Variants in OR5B2 observed in about 807,000 individuals in gnomAD.
OR5B2 encodes olfactory receptor family 5 subfamily B member 2.
For missense variants in OR5B2, 411 were observed against 367.0 expected, an observed-to-expected ratio of 1.12 and a Z score of -0.98; for synonymous variants, 163 against 140.8, an observed-to-expected ratio of 1.16 and a Z score of -1.11.
intron 1 of OR5B2, among the ~76,000 whole-genome samples, chr11:58,427,395 G>T (rs2119947587): frequency 6.6e-6 from 1 of 152,260 alleles, no homozygotes; most frequent in Middle Eastern, 3.4e-3. Context: ...TGGAAACTAG[G>T]CTAAAGTGTT....
chr11:58,422,400 A>G lies in OR5B2; in HGVS notation c.862T>C (p.Tyr288His). Reference protein sequence around the residue: ...MIIPMLNPVVYSLRNREVQNA... With the variant: ...MIIPMLNPVVHSLRNREVQNA... The stretch of plus-strand genomic sequence containing the variant: ...TGGACTTCTCTGTTCCTCAGGCTGT[A>G]GACCACAGGGTTCAGCATGGGGATG... Residue 288 changes from tyrosine to histidine, a missense_variant, in exon 3 of 3, where the codon TAC (tyrosine) becomes CAC (histidine). Tyr to His is a moderately conservative substitution (Grantham distance 83, BLOSUM62 2). Transcript: ENST00000641342. The G allele has an allele frequency of 1.2e-6, 2 of 1,613,660 alleles. No individual in the cohort carries two copies.
intron 1 of OR5B2, among the ~76,000 whole-genome samples, chr11:58,426,915 A>C (rs1374005048): frequency 6.6e-6 from 1 of 152,132 alleles, no homozygotes; most frequent in Non-Finnish European, 1.5e-5. Flanking sequence ...ATCTGCAATG[A>C]ACATCATTTT....
rs1855298298 is a variant in OR5B2 at position 58,423,039 on chromosome 11, C to T, written c.223G>A (p.Val75Ile). Reference sequence around the variant, plus strand: ...AACCCAGCCATGACCTTGGGAGTGACAGCTGAGGAGTATCCAAAGTCCACC... The same window carrying T: ...AACCCAGCCATGACCTTGGGAGTGATAGCTGAGGAGTATCCAAAGTCCACC... ...SLVDFGYSSA[V>I]TPKVMAGFLR... The change falls in exon 3 of 3, where the codon GTC becomes ATC. Residue 75 changes from valine to isoleucine, a missense_variant. Transcript: ENST00000641342. 6.2e-7 allele frequency: 1 copy of T among 1,613,478 alleles called. No individual in the cohort carries two copies. The highest frequency in any genetic ancestry group is 8.5e-7 in the Non-Finnish European group (1 of 1,179,572).
At chr11:58,427,991 G>C (rs919440687) in intron 1 of OR5B2, 28 bp downstream of exon 1, 1 of 152,440 alleles carries the variant, frequency 6.6e-6, no homozygotes, top group Non-Finnish European at 1.5e-5. Context: ...GGTTTGTAGA[G>C]TTGTTAGCCA....
intron 2 of OR5B2, 24 bp from the exon 3 acceptor site, chr11:58,423,313 A>G (rs929154002): frequency 3.1e-5 from 34 of 1,109,622 alleles, no homozygotes; most frequent in Non-Finnish European, 4.0e-5. Flanking sequence ...AAATAAAGCA[A>G]TAGAGTGATA....
rs749793375 is a variant in OR5B2 at position 58,422,797 on chromosome 11, T to A, written c.465A>T (p.Ser155=). 2.9e-5 allele frequency: 46 copies of A among 1,613,684 alleles called. No homozygotes were observed. The highest frequency in any genetic ancestry group is 1.7e-5 in the Admixed American group (1 of 59,884). Residue 155 remains serine, a synonymous_variant, in exon 3 of 3, where the codon TCA becomes TCT. Coordinates refer to ENST00000641342, the MANE Select transcript of OR5B2 (RefSeq NM_001005566.3). Reference sequence around the variant, plus strand: ...GACTGAATATGCCCCCAATGTGGAATGAGGCATTTAGGAAGCCACAGACAT... The same window carrying A: ...GACTGAATATGCCCCCAATGTGGAAAGAGGCATTTAGGAAGCCACAGACAT... ...GSYVCGFLNA[S]FHIGGIFSLS...
intron 2 of OR5B2, 51 bp from the exon 3 acceptor site, chr11:58,423,340 TAGAA>T: frequency 1.2e-6 from 1 of 831,060 alleles, no homozygotes; most frequent in African/African-American, 1.7e-5. Context: ...AAAAGAGATT[TAGAA>T]ATATATAAAT....
At position 58,423,297 on chromosome 11, in the gene OR5B2, A is replaced by T. The variant is rs1228729789; in HGVS notation, c.-28-8T>A. On this transcript the variant is annotated splice_region_variant and splice_polypyrimidine_tract_variant and intron_variant, in intron 2 of 2. Coordinates refer to ENST00000641342, the MANE Select transcript of OR5B2 (RefSeq NM_001005566.3). Reference sequence around the variant, plus strand: ...TGAGAAACTTAAGATGACCTGTAGCAATGAGAAATAAAGCAATAGAGTGAT... The same window carrying T: ...TGAGAAACTTAAGATGACCTGTAGCTATGAGAAATAAAGCAATAGAGTGAT... 3.8e-6 allele frequency: 5 copies of T among 1,304,042 alleles called. No homozygotes were observed. In the East Asian group the frequency reaches 1.2e-4, roughly 30 times the overall value. 80.8% of individuals were successfully genotyped at this position (1,304,042 alleles called of 1,614,324 possible).
rs890577199 is a variant in OR5B2 at position 58,421,703 on chromosome 11, T to G, written c.*629A>C. ...TCTTGAGATGATAATGATGTGTCAA[T>G]GTAGGTTCATCAATTGTAAAAAATG... On this transcript the variant is annotated 3_prime_UTR_variant, in exon 3 of 3. Transcript: ENST00000641342. The G allele has an allele frequency of 6.6e-6, 1 of 152,096 alleles. No homozygotes were observed. Among genetic ancestry groups the G allele is most frequent in the South Asian group, 2.1e-4 (1 of 4,816 alleles). The allele number at this position is 152,096 out of a possible 1,614,324, so 9.4% of individuals were successfully genotyped here.
rs1406118484 is a variant in OR5B2, at chr11:58,422,883, GT to G, written c.378del (p.Lys126AsnfsTer9). ...GTCATGGTGGTGGTGTAGTGTAGGG[GT>G]TTGCACACTGCTGCATAGCGGTCAT... is the stretch of plus-strand genomic sequence containing the variant. ...MAYDRYAAVC[K>X]PLHYTTTMTA... On this transcript the variant is annotated frameshift_variant, in exon 3 of 3. Coordinates refer to ENST00000641342, the MANE Select transcript of OR5B2 (RefSeq NM_001005566.3). LOFTEE classifies it low-confidence loss of function (END_TRUNC). The G allele has an allele frequency of 1.2e-5, 20 of 1,613,656 alleles. No individual in the cohort carries two copies. Among genetic ancestry groups the G allele is most frequent in the Admixed American group, 8.3e-5 (5 of 59,898 alleles).
chr11:58,426,922 T>A lies in OR5B2; in HGVS notation c.-83-246A>T, dbSNP rs181551657. On this transcript the variant is annotated intron_variant, in intron 1 of 2. Coordinates refer to ENST00000641342, the MANE Select transcript of OR5B2 (RefSeq NM_001005566.3). ...ATCATCGTATCTGCAATGAACATCA[T>A]TTTTAGCTGGGGGTCTTATCCCTGG... Among the ~76,000 whole-genome samples the A allele has an allele frequency of 2.0e-4, 30 of 152,248 alleles. 1 individual carries two copies. Among genetic ancestry groups the A allele is most frequent in the Admixed American group, 2.0e-3 (30 of 15,274 alleles).
At position 58,422,928 on chromosome 11, in the gene OR5B2, A is replaced by G. The variant is rs2119936163; in HGVS notation, c.334T>C (p.Leu112=). Residue 112 remains leucine, a synonymous_variant, in exon 3 of 3, where the codon TTG becomes CTG. Coordinates refer to ENST00000641342, the MANE Select transcript of OR5B2 (RefSeq NM_001005566.3). The stretch of plus-strand genomic sequence containing the variant: ...CGGTCATAGGCCATTGAGGCCAACA[A>G]GTAATTTTCCACCGTGGCCAAGGCT... ...FVALATVENY[L]LASMAYDRYA... The G allele has an allele frequency of 3.1e-6, 5 of 1,613,838 alleles. No homozygotes were observed. Among genetic ancestry groups the G allele is most frequent in the South Asian group, 1.1e-5 (1 of 91,082 alleles).
Position 58,422,304 on chromosome 11 carries a change from T to C in OR5B2, c.*28A>G, listed in dbSNP as rs1456672564. ...TGAGATGAGGGAAACAACATTTTTGTGTATACAACAATGTTAAAATTCCAA... is the reference window on the plus strand; with the variant it reads ...TGAGATGAGGGAAACAACATTTTTGCGTATACAACAATGTTAAAATTCCAA... On this transcript the variant is annotated 3_prime_UTR_variant, in exon 3 of 3. Coordinates refer to ENST00000641342, the MANE Select transcript of OR5B2 (RefSeq NM_001005566.3). 1 of 1,409,580 alleles carries C rather than the reference T, an allele frequency of 7.1e-7. No individual in the cohort carries two copies. The highest frequency in any genetic ancestry group is 2.3e-5 in the East Asian group (1 of 43,552). 87.3% of individuals were successfully genotyped at this position (1,409,580 alleles called of 1,614,324 possible). A position where few individuals can be genotyped will look rare whatever the true frequency, so the allele number is the denominator to read the frequency against.
chr11:58,425,497 A>T (rs1855326224), intron 2 of OR5B2, among the ~76,000 whole-genome samples: 1 of 152,082 alleles, frequency 6.6e-6, no homozygotes, highest in East Asian at 1.9e-4. Flanking sequence ...TGTGCCTGGA[A>T]AAAAAGAGAT....
At position 58,423,786 on chromosome 11, in the gene OR5B2, A is replaced by G. The variant is rs371413106; in HGVS notation, c.-28-497T>C. On this transcript the variant is annotated intron_variant, in intron 2 of 2. Coordinates refer to ENST00000641342, the MANE Select transcript of OR5B2 (RefSeq NM_001005566.3). ...TACACAAGTGTTAATAGTCAAGCCT[A>G]TCTTCTGGCTCAGGAGAGTCGTTCT... Among the ~76,000 whole-genome samples the G allele has an allele frequency of 1.4e-4, 21 of 152,302 alleles. No homozygotes were observed. In the East Asian group the frequency reaches 3.7e-3, roughly 27 times the overall value.
chr11:58,422,612 AAG>A lies in OR5B2; in HGVS notation c.648_649del (p.Leu217ValfsTer13). 1 of 1,613,796 alleles carries A rather than the reference AAG, an allele frequency of 6.2e-7. No homozygotes were observed. Among genetic ancestry groups the A allele is most frequent in the Non-Finnish European group, 8.5e-7 (1 of 1,179,830 alleles). On this transcript the variant is annotated frameshift_variant, in exon 3 of 3. Coordinates refer to ENST00000641342, the MANE Select transcript of OR5B2 (RefSeq NM_001005566.3). LOFTEE classifies it low-confidence loss of function (END_TRUNC). ...CTTCAAGATGGTGATGAATATGAAC[AAG>A]TAGGAGATAAAGATAACTAGAAGAA...
intron 2 of OR5B2, among the ~76,000 whole-genome samples, chr11:58,425,882 TTATG>T (rs1308460686): frequency 6.6e-6 from 1 of 152,128 alleles, no homozygotes; most frequent in Non-Finnish European, 1.5e-5. Flanking sequence ...CAGTCATACA[TTATG>T]GGTCACAATG....
chr11:58,427,094 T>C (rs894089945), intron 1 of OR5B2, among the ~76,000 whole-genome samples: 1 of 152,122 alleles, frequency 6.6e-6, no homozygotes, highest in African/African-American at 2.4e-5. Context: ...TAGAGTCATG[T>C]TGGGATGTTA....
chr11:58,422,354 A>G lies in OR5B2; in HGVS notation c.908T>C (p.Leu303Ser). Residue 303 changes from leucine to serine, a missense_variant, in exon 3 of 3, where the codon TTG (leucine) becomes TCG (serine). Transcript: ENST00000641342. The part of the protein sequence containing the change: ...REVQNAFKKV[L>S]RRQKFL The stretch of plus-strand genomic sequence containing the variant: ...AACTTATAGAAATTTTTGCCTTCTC[A>G]ACACTTTCTTGAATGCATTCTGGAC... 1 of 1,607,262 alleles carries G rather than the reference A, an allele frequency of 6.2e-7. No homozygotes were observed. Among genetic ancestry groups the G allele is most frequent in the East Asian group, 2.2e-5 (1 of 44,710 alleles).
Sources: allele counts gnomAD v4.1 joint callset (sites outside exome capture counted in the v4.1 genomes callset), GRCh38; gene constraint gnomAD v4.1.1; transcripts MANE v1.5; gene names NCBI Gene and HGNC (gene_info 2026-07-23, HGNC 2026-07-21).